Variants in RALYL observed in about 807,000 individuals in gnomAD.
RALYL encodes the protein RNA-binding Raly-like protein.
Under a neutral mutation model 35.1 loss-of-function variants are expected in RALYL, and 29 were observed. That is an observed-to-expected ratio of 0.83 (90% CI 0.61 to 1.13). The LOEUF is 1.13. RALYL is among the 50% of genes most tolerant of loss of function. The pLI is 0.00. For synonymous variants in RALYL, 120 were observed against 127.6 expected (o/e 0.94, Z 0.40); for missense variants, 359 against 360.4 (o/e 1.00, Z 0.03).
chr8:84,457,559 A>G (rs1267130808), intron 1 of RALYL, among the ~76,000 whole-genome samples: 1 of 151,916 alleles, frequency 6.6e-6, no homozygotes, highest in Non-Finnish European at 1.5e-5. Flanking sequence ...GAATTGAATC[A>G]CTTTCTGATT....
At chr8:84,654,316 A>G (rs1400372363) in intron 2 of RALYL, among the ~76,000 whole-genome samples, 1 of 63,586 alleles carries the variant, frequency 1.6e-5, no homozygotes, top group African/African-American at 4.4e-5. Flanking sequence ...TATATATATC[A>G]TGTACCACAT....
At chr8:84,220,683 G>A (rs1821986549) in intron 1 of RALYL, among the ~76,000 whole-genome samples, 2 of 151,880 alleles carry the variant, frequency 1.3e-5, no homozygotes, top group Admixed American at 1.3e-4. Flanking sequence ...GGTGATGAAA[G>A]TAGACACTTT....
chr8:84,646,657 T>C (rs1194071439), intron 2 of RALYL, among the ~76,000 whole-genome samples: 1 of 152,098 alleles, frequency 6.6e-6, no homozygotes, highest in Non-Finnish European at 1.5e-5. Flanking sequence ...GTGTAATTTC[T>C]TTTATGAATG....
chr8:84,619,530 G>A (rs1206309789), intron 2 of RALYL, among the ~76,000 whole-genome samples: 37 of 146,224 alleles, frequency 2.5e-4, no homozygotes, highest in Admixed American at 5.5e-4. Context: ...ACACTGATGG[G>A]TCTTGACTCT....
At chr8:84,853,344 A>T (rs1836273734) in intron 5 of RALYL, among the ~76,000 whole-genome samples, 1 of 152,200 alleles carries the variant, frequency 6.6e-6, no homozygotes, top group Admixed American at 6.5e-5. Flanking sequence ...TAGCTCAATA[A>T]AATCATTAGA....
At chr8:84,384,838 A>G (rs1177865309) in intron 1 of RALYL, among the ~76,000 whole-genome samples, 1 of 151,814 alleles carries the variant, frequency 6.6e-6, no homozygotes, top group Non-Finnish European at 1.5e-5. Flanking sequence ...GCTTAAAATT[A>G]GAGCTTGGTA....
intron 1 of RALYL, among the ~76,000 whole-genome samples, chr8:84,445,719 T>G (rs1290239400): frequency 6.6e-6 from 1 of 151,714 alleles, no homozygotes; most frequent in Non-Finnish European, 1.5e-5. Flanking sequence ...TCATTTCATT[T>G]ACTTGCAATG....
At chr8:84,628,113 A>G (rs1823143183) in intron 2 of RALYL, among the ~76,000 whole-genome samples, 1 of 152,106 alleles carries the variant, frequency 6.6e-6, no homozygotes, top group Admixed American at 6.6e-5. Context: ...GCAGAGTACA[A>G]TCCTAACTAC....
At chr8:84,812,399 G>A (rs181199806) in intron 4 of RALYL, among the ~76,000 whole-genome samples, 13 of 152,204 alleles carry the variant, frequency 8.5e-5, no homozygotes, top group East Asian at 3.9e-4. Context: ...ATTTTTGTGC[G>A]GGTTGGCCTT....
At chr8:84,358,637 T>C (rs1220898641) in intron 1 of RALYL, among the ~76,000 whole-genome samples, 1 of 152,030 alleles carries the variant, frequency 6.6e-6, no homozygotes, top group Non-Finnish European at 1.5e-5. Context: ...AATTACATGC[T>C]GAGAAGAATA....
At chr8:84,558,577 C>T (rs1253543339) in intron 2 of RALYL, among the ~76,000 whole-genome samples, 1 of 152,036 alleles carries the variant, frequency 6.6e-6, no homozygotes, top group African/African-American at 2.4e-5. Context: ...CACTTCTGTG[C>T]TATTTCTGTT....
chr8:84,246,796 A>G (rs1277685006), intron 1 of RALYL, among the ~76,000 whole-genome samples: 1 of 152,120 alleles, frequency 6.6e-6, no homozygotes, highest in Non-Finnish European at 1.5e-5. Flanking sequence ...AGGAGGAGAG[A>G]CATGGGTGGA....
chr8:84,762,721 A>G (rs572466578), intron 2 of RALYL, among the ~76,000 whole-genome samples: 1 of 152,290 alleles, frequency 6.6e-6, no homozygotes, highest in African/African-American at 2.4e-5. Flanking sequence ...TATAACTGGG[A>G]ATCAATAATA....
At chr8:84,766,419 C>T (rs1474861308) in intron 2 of RALYL, among the ~76,000 whole-genome samples, 5 of 151,742 alleles carry the variant, frequency 3.3e-5, no homozygotes, top group East Asian at 3.9e-4. Context: ...CCCAGCCAGG[C>T]GTGGTGGCTC....
chr8:84,266,130 A>G (rs909836781), intron 1 of RALYL, among the ~76,000 whole-genome samples: 1 of 152,098 alleles, frequency 6.6e-6, no homozygotes, highest in African/African-American at 2.4e-5. Flanking sequence ...CTCATATCTC[A>G]GTATATTTCT....
chr8:84,660,498 G>A (rs560467838), intron 2 of RALYL, among the ~76,000 whole-genome samples: 3 of 151,812 alleles, frequency 2.0e-5, no homozygotes, highest in African/African-American at 7.2e-5. Context: ...TCCTATTTCA[G>A]TGTGTAGCAT....
chr8:84,652,011 A>G (rs545205994), intron 2 of RALYL, among the ~76,000 whole-genome samples: 1 of 152,212 alleles, frequency 6.6e-6, no homozygotes, highest in East Asian at 1.9e-4. Context: ...TTTATTTGAC[A>G]TGAAAATTGA....
intron 2 of RALYL, among the ~76,000 whole-genome samples, chr8:84,665,018 AAG>A (rs1831705383): frequency 1.3e-5 from 2 of 152,116 alleles, no homozygotes; most frequent in South Asian, 4.1e-4. Flanking sequence ...CTAGTTTACT[AAG>A]AGTTTTTAAC....
At chr8:84,887,531 GTT>G (rs1338412329) in intron 7 of RALYL, 71 bp from the exon 8 acceptor site, 10 of 1,393,768 alleles carry the variant, frequency 7.2e-6, no homozygotes, top group Non-Finnish European at 9.8e-6. Flanking sequence ...TTCATGGACT[GTT>G]TTTTCATGGT....
Sources: allele counts gnomAD v4.1 joint callset (sites outside exome capture counted in the v4.1 genomes callset), GRCh38; gene constraint gnomAD v4.1.1; transcripts MANE v1.5; gene names NCBI Gene and HGNC (gene_info 2026-07-23, HGNC 2026-07-21).